HDGFL3: variants seen among roughly 807,000 people sequenced by gnomAD.
HDGFL3 encodes HDGF like 3, also known as hepatoma-derived growth factor-related protein 3.
A neutral mutation model predicts 27.6 loss-of-function variants in HDGFL3; 6 were observed. The observed-to-expected ratio is 0.22, with a 90% CI of 0.12 to 0.43. HDGFL3 has a LOEUF of 0.43. Among genes scored for constraint, HDGFL3 ranks in the 20% least tolerant of loss-of-function variants. The pLI is 1.00. For missense variants in HDGFL3, 207 were observed against 250.1 expected (o/e 0.83, Z 1.16); for synonymous variants, 88 against 88.9 (o/e 0.99, Z 0.05).
chr15:83,152,855 A>G (rs540449714), intron 4 of HDGFL3, among the ~76,000 whole-genome samples: 1 of 152,226 alleles, frequency 6.6e-6, no homozygotes, highest in East Asian at 1.9e-4. Flanking sequence ...TAATAATACA[A>G]ATGTGGAGTA....
intron 5 of HDGFL3, among the ~76,000 whole-genome samples, chr15:83,146,003 C>T (rs1037339801): frequency 1.5e-5 from 2 of 137,666 alleles, no homozygotes; most frequent in African/African-American, 5.4e-5. Context: ...CTCTGCCTCC[C>T]GGGTTCAAGC....
chr15:83,207,043 C>G lies in HDGFL3; in HGVS notation c.84+288G>C, dbSNP rs2037726932. 6.6e-6 allele frequency among the ~76,000 whole-genome samples: 1 copy of G among 152,194 alleles called. No homozygotes were observed. Among genetic ancestry groups the G allele is most frequent in the South Asian group, 2.1e-4 (1 of 4,836 alleles). On this transcript the variant is annotated intron_variant, in intron 1 of 5. Coordinates refer to ENST00000299633, the MANE Select transcript of HDGFL3 (RefSeq NM_016073.4). This position sits in a 1 kb window ranked among gnomAD's most constrained non-coding sequence, Gnocchi z 4.8. ...CCCGCTGCCCGGCGGCGTGGCTTCC[C>G]GGTCGGCACCGGCTTTCCAGGAGGA...
intron 1 of HDGFL3, among the ~76,000 whole-genome samples, chr15:83,182,437 T>G (rs1261962591): frequency 7.9e-5 from 12 of 152,214 alleles, no homozygotes; most frequent in Admixed American, 7.9e-4. Context: ...GGTGTCCTAA[T>G]GAAAGTGGCC....
At chr15:83,171,995 A>G (rs1039716436) in intron 1 of HDGFL3, among the ~76,000 whole-genome samples, 6 of 152,202 alleles carry the variant, frequency 3.9e-5, no homozygotes, top group African/African-American at 4.8e-5. Context: ...ACAAAATACT[A>G]AAGTAATTAT....
In HDGFL3 at chr15:83,193,267, T is replaced by C. The variant is rs2037533619; in HGVS notation, c.84+14064A>G. On this transcript the variant is annotated intron_variant, in intron 1 of 5. Transcript: ENST00000299633. ...CCACCATTTTTTGCTGATTAAAAAA[T>C]GGGTGAAGGACAATAGACATTATTC... Among the ~76,000 whole-genome samples the C allele has an allele frequency of 2.6e-5, 4 of 152,100 alleles. No individual in the cohort carries two copies. The South Asian group carries it at 8.3e-4, about 32-fold the overall frequency.
At chr15:83,142,455 A>G (rs558706861) in intron 5 of HDGFL3, among the ~76,000 whole-genome samples, 5 of 152,346 alleles carry the variant, frequency 3.3e-5, no homozygotes, top group South Asian at 2.1e-4. Context: ...GTTCTTGCTT[A>G]TAAGTGGAAG....
At chr15:83,181,600 C>T (rs750283744) in intron 1 of HDGFL3, among the ~76,000 whole-genome samples, 56 of 152,050 alleles carry the variant, frequency 3.7e-4, no homozygotes, top group African/African-American at 1.2e-3. Context: ...CTCAGCCTTC[C>T]GAGTAGCTGG....
Position 83,157,665 on chromosome 15 carries a change from G to C in HDGFL3, c.301-92C>G, listed in dbSNP as rs1374637752. On this transcript the variant is annotated intron_variant, in intron 3 of 5. Transcript: ENST00000299633. ...GAACTACTCTGTTTTCATTTGAAAG[G>C]GTTCCGCTTACTCGGAAGATTTTCA... is the stretch of plus-strand genomic sequence containing the variant. 11 of 1,263,432 alleles carry C rather than the reference G, an allele frequency of 8.7e-6. No individual in the cohort carries two copies. The South Asian group carries it at 1.1e-4, about 13-fold the overall frequency. 78.3% of individuals were successfully genotyped at this position (1,263,432 alleles called of 1,614,324 possible). A position where few individuals can be genotyped will look rare whatever the true frequency, so the allele number is the denominator to read the frequency against.
At chr15:83,167,193 T>C (rs2037181728) in intron 1 of HDGFL3, among the ~76,000 whole-genome samples, 1 of 152,116 alleles carries the variant, frequency 6.6e-6, no homozygotes, top group Non-Finnish European at 1.5e-5. Context: ...ACCATGTGAA[T>C]GGAAAACATA....
At position 83,133,259 on chromosome 15, in the gene HDGFL3, T is replaced by G. The variant is rs1163946484; in HGVS notation, c.*6011A>C. 6.6e-6 allele frequency: 1 copy of G among 152,250 alleles called. No homozygotes were observed. Among genetic ancestry groups the G allele is most frequent in the Non-Finnish European group, 1.5e-5 (1 of 68,052 alleles). The allele number at this position is 152,250 out of a possible 1,614,324, so 9.4% of individuals were successfully genotyped here. A position where few individuals can be genotyped will look rare whatever the true frequency, so the allele number is the denominator to read the frequency against. On this transcript the variant is annotated 3_prime_UTR_variant, in exon 6 of 6. Coordinates refer to ENST00000299633, the MANE Select transcript of HDGFL3 (RefSeq NM_016073.4). ...TTCTAGATTAGCTATTTATACTGTA[T>G]TAGCAAAAGACCCTGGCTATCATCC...
chr15:83,134,077 G>A lies in HDGFL3; in HGVS notation c.*5193C>T, dbSNP rs1265900492. 1 of 152,134 alleles carries A rather than the reference G, an allele frequency of 6.6e-6. No individual in the cohort carries two copies. Among genetic ancestry groups the A allele is most frequent in the Non-Finnish European group, 1.5e-5 (1 of 68,024 alleles). The allele number at this position is 152,134 out of a possible 1,614,324, so 9.4% of individuals were successfully genotyped here. A position where few individuals can be genotyped will look rare whatever the true frequency, so the allele number is the denominator to read the frequency against. ...AAAATACATACAAAACTAGAGAAAT[G>A]CTTTGTAGACCCTTTTTGTATTTTG... is the stretch of plus-strand genomic sequence containing the variant. On this transcript the variant is annotated 3_prime_UTR_variant, in exon 6 of 6. Transcript: ENST00000299633.
rs377236090 is a variant in HDGFL3 at position 83,121,274 on chromosome 15, G to A, written c.394-5533C>T. On this transcript the variant is annotated intron_variant, in intron 3 of 3. Transcript: ENST00000568294. Reference sequence around the variant, plus strand: ...TTTTTGTACTTTTAGTAGAGATGGCGTTTCACCATGTTGGCCAGGCTGGTT... The same window carrying A: ...TTTTTGTACTTTTAGTAGAGATGGCATTTCACCATGTTGGCCAGGCTGGTT... 8.9e-5 allele frequency among the ~76,000 whole-genome samples: 13 copies of A among 145,934 alleles called. No individual in the cohort carries two copies. The East Asian group carries it at 1.4e-3, about 16-fold the overall frequency.
chr15:83,149,070 A>G, intron 5 of HDGFL3, among the ~76,000 whole-genome samples: 1 of 152,110 alleles, frequency 6.6e-6, no homozygotes. Flanking sequence ...TATAACAAAT[A>G]TATCATTAAA....
exon 4 of HDGFL3, chr15:83,115,685 TG>T: frequency 1.4e-6 from 1 of 703,604 alleles, no homozygotes; most frequent in Non-Finnish European, 2.6e-6. Context: ...GAGGTCCAGC[TG>T]GGTGTGTAGA....
At position 83,130,041 on chromosome 15, in the gene HDGFL3, T is replaced by G. The variant is rs1236866299; in HGVS notation, c.*9229A>C. 1.3e-5 allele frequency: 2 copies of G among 152,318 alleles called. No individual in the cohort carries two copies. The highest frequency in any genetic ancestry group is 1.3e-4 in the Admixed American group (2 of 15,280). 9.4% of individuals were successfully genotyped at this position (152,318 alleles called of 1,614,324 possible). On this transcript the variant is annotated 3_prime_UTR_variant, in exon 6 of 6. Coordinates refer to ENST00000299633, the MANE Select transcript of HDGFL3 (RefSeq NM_016073.4). ...TGTGCTTTGCCTGCACAATCAGGCCTCCTCTGCCTGCCATGTGCCTGGTCG... is the reference window on the plus strand; with the variant it reads ...TGTGCTTTGCCTGCACAATCAGGCCGCCTCTGCCTGCCATGTGCCTGGTCG...
chr15:83,151,741 TC>T (rs2036966235), intron 4 of HDGFL3, among the ~76,000 whole-genome samples: 1 of 152,318 alleles, frequency 6.6e-6, no homozygotes, highest in South Asian at 2.1e-4. Flanking sequence ...CATCTTGTCC[TC>T]CCCATCATTT....
At chr15:83,161,583 G>A (rs1355281299) in intron 2 of HDGFL3, among the ~76,000 whole-genome samples, 1 of 152,084 alleles carries the variant, frequency 6.6e-6, no homozygotes, top group East Asian at 1.9e-4. Flanking sequence ...TGAGATGGAC[G>A]TCTTCCTGCT....
At chr15:83,198,781 G>C (rs1434732764) in intron 1 of HDGFL3, among the ~76,000 whole-genome samples, 1 of 152,150 alleles carries the variant, frequency 6.6e-6, no homozygotes, top group African/African-American at 2.4e-5. Flanking sequence ...TATTCTCAGA[G>C]AACTAATCTA....
At chr15:83,204,397 G>C (rs2037690904) in intron 1 of HDGFL3, among the ~76,000 whole-genome samples, 1 of 152,038 alleles carries the variant, frequency 6.6e-6, no homozygotes, top group Non-Finnish European at 1.5e-5. Flanking sequence ...CATGTGTCTA[G>C]GAGTAAATTA....
Sources: allele counts gnomAD v4.1 joint callset (sites outside exome capture counted in the v4.1 genomes callset), GRCh38; gene constraint gnomAD v4.1.1; non-coding constraint Gnocchi (gnomAD v3.1); transcripts MANE v1.5; gene names NCBI Gene and HGNC (gene_info 2026-07-23, HGNC 2026-07-21).